Variants in SLC26A8 observed in about 807,000 individuals in gnomAD.
The protein encoded by SLC26A8 is solute carrier family 26 member 8.
SLC26A8 carries 70 observed loss-of-function variants against 105.0 expected under a neutral mutation model. The observed-to-expected ratio is 0.67, with a 90% CI of 0.55 to 0.81. The LOEUF is 0.81. Ranked by LOEUF, SLC26A8 falls within the 40% of genes least tolerant of loss-of-function variation. The pLI is 0.00. For synonymous variants in SLC26A8, 415 were observed against 438.3 expected, an observed-to-expected ratio of 0.95 and a Z score of 0.66; for missense variants, 998 against 1,181.8, an observed-to-expected ratio of 0.84 and a Z score of 2.28.
chr6:35,985,352 G>T (rs538585466), intron 7 of SLC26A8, among the ~76,000 whole-genome samples: 14 of 152,206 alleles, frequency 9.2e-5, no homozygotes, highest in Non-Finnish European at 1.9e-4. Flanking sequence ...ATACATCTGG[G>T]TTTACAGACT....
intron 11 of SLC26A8, among the ~76,000 whole-genome samples, chr6:35,966,615 G>A (rs910035739): frequency 8.6e-5 from 13 of 151,832 alleles, no homozygotes; most frequent in African/African-American, 3.1e-4. Flanking sequence ...ATTTGTGTTG[G>A]TCCTCTTGTA....
At position 36,019,725 on chromosome 6, in the gene SLC26A8, G is replaced by A. The variant is rs1407146630; in HGVS notation, c.-2-16C>T. ...TGTGCCATTCCTGGATGAGTGGAAA[G>A]AGAGCAAATAAAAGAGCATTTTCAG... On this transcript the variant is annotated splice_polypyrimidine_tract_variant and intron_variant, in intron 1 of 19. Coordinates refer to ENST00000490799, the MANE Select transcript of SLC26A8 (RefSeq NM_052961.4). The A allele has an allele frequency of 6.3e-7, 1 of 1,591,448 alleles. No homozygotes were observed. Among genetic ancestry groups the A allele is most frequent in the East Asian group, 2.3e-5 (1 of 44,334 alleles).
intron 3 of SLC26A8, among the ~76,000 whole-genome samples, chr6:36,004,811 C>G (rs920755349): frequency 6.7e-6 from 1 of 149,924 alleles, no homozygotes; most frequent in African/African-American, 2.5e-5. Context: ...CACCACCACA[C>G]CTAGTTAAAT....
chr6:36,020,711 A>G (rs1762108479), intron 1 of SLC26A8, among the ~76,000 whole-genome samples: 2 of 152,220 alleles, frequency 1.3e-5, no homozygotes, highest in African/African-American at 4.8e-5. Context: ...TCTGGGAGAA[A>G]GTATAACCAG....
At chr6:35,955,017 G>C in intron 17 of SLC26A8, 135 bp downstream of exon 17, 1 of 924,592 alleles carries the variant, frequency 1.1e-6, no homozygotes, top group Middle Eastern at 2.2e-4. Context: ...TACTGCCTTT[G>C]GTGTCCAAGG....
At chr6:36,009,383 C>CA (rs1554168127) in intron 3 of SLC26A8, among the ~76,000 whole-genome samples, 1 of 149,206 alleles carries the variant, frequency 6.7e-6, no homozygotes, top group African/African-American at 2.5e-5. Context: ...ACAACAACAA[C>CA]AAACCTGCAC....
intron 10 of SLC26A8, among the ~76,000 whole-genome samples, chr6:35,974,517 A>G (rs1772920651): frequency 6.6e-6 from 1 of 152,204 alleles, no homozygotes; most frequent in Non-Finnish European, 1.5e-5. Flanking sequence ...CTTATACAAA[A>G]GTAGAACAAT....
rs1771588413 is a variant in SLC26A8, at chr6:35,944,281, A to G, written c.2532T>C (p.Ser844=). 3 of 1,614,008 alleles carry G rather than the reference A, an allele frequency of 1.9e-6. No individual in the cohort carries two copies. In the African/African-American group the frequency reaches 4.0e-5, roughly 22 times the overall value. ...SSFLGSQKNV[S]PGFIKIQQPV... Reference sequence around the variant, plus strand: ...GCTGTTGGATCTTGATGAAGCCTGGACTTACATTTTTTTGGCTTCCTAGAA... The same window carrying G: ...GCTGTTGGATCTTGATGAAGCCTGGGCTTACATTTTTTTGGCTTCCTAGAA... The change falls in exon 20 of 20, where the codon AGT becomes AGC. Residue 844 remains serine, a synonymous_variant. Transcript: ENST00000490799.
intron 19 of SLC26A8, among the ~76,000 whole-genome samples, chr6:35,945,406 A>C (rs1322224514): frequency 6.6e-6 from 1 of 152,208 alleles, no homozygotes; most frequent in East Asian, 1.9e-4. Flanking sequence ...TGTCTTGCCA[A>C]CCCCCAGTGC....
intron 19 of SLC26A8, among the ~76,000 whole-genome samples, chr6:35,944,579 T>C (rs1051414352): frequency 1.5e-4 from 23 of 150,864 alleles, no homozygotes; most frequent in Admixed American, 4.0e-4. Context: ...TAGTTGGGCA[T>C]GATGGCACAT....
At chr6:35,994,607 G>C (rs377195879) in intron 5 of SLC26A8, among the ~76,000 whole-genome samples, 1 of 130,294 alleles carries the variant, frequency 7.7e-6, no homozygotes, top group Non-Finnish European at 1.6e-5. Flanking sequence ...ACGGAGTCTT[G>C]CTCTGTCACC....
chr6:36,001,716 A>G (rs1160962519), intron 3 of SLC26A8, among the ~76,000 whole-genome samples: 1 of 152,138 alleles, frequency 6.6e-6, no homozygotes, highest in Non-Finnish European at 1.5e-5. Context: ...TGAAATTCTG[A>G]ATAATTTTTG....
chr6:35,959,837 T>G, intron 14 of SLC26A8, 31 bp from the exon 15 acceptor site: 6,147 of 908,778 alleles, frequency 6.8e-3, no homozygotes, highest in Non-Finnish European at 8.8e-3. Context: ...TTGAGGGAAA[T>G]TTCTCAGTTA....
At chr6:35,951,618 C>CAGAGTGAG in intron 17 of SLC26A8, 119 bp from the exon 18 acceptor site, 1 of 1,031,090 alleles carries the variant, frequency 9.7e-7, no homozygotes, top group Non-Finnish European at 1.5e-6. Flanking sequence ...CTCACTCTGT[C>CAGAGTGAG]ACCCAGATGG....
At chr6:36,019,348 GA>G (rs1227979341) in intron 2 of SLC26A8, among the ~76,000 whole-genome samples, 171 bp downstream of exon 2, 2 of 152,108 alleles carry the variant, frequency 1.3e-5, no homozygotes, top group African/African-American at 4.8e-5. Flanking sequence ...GTTTACAATC[GA>G]AAAGGTACTG....
chr6:36,011,756 C>T (rs1196550827), intron 3 of SLC26A8, among the ~76,000 whole-genome samples: 7 of 152,116 alleles, frequency 4.6e-5, no homozygotes, highest in Admixed American at 4.6e-4. Context: ...TACAGGCACA[C>T]GTTACCAGGC....
chr6:35,963,033 C>T (rs894524902), intron 11 of SLC26A8, among the ~76,000 whole-genome samples: 12 of 152,142 alleles, frequency 7.9e-5, no homozygotes, highest in Non-Finnish European at 1.2e-4. Flanking sequence ...GTCAGGCCAA[C>T]GTCAAGGCCT....
chr6:36,023,725 C>T (rs1472519628), intron 1 of SLC26A8, among the ~76,000 whole-genome samples: 3 of 152,148 alleles, frequency 2.0e-5, no homozygotes, highest in African/African-American at 4.8e-5. Context: ...AATTTACTTC[C>T]GAATTTTCAA....
chr6:35,955,369 T>C lies in SLC26A8; in HGVS notation c.2015A>G (p.Asn672Ser). 1 of 1,614,214 alleles carries C rather than the reference T, an allele frequency of 6.2e-7. No homozygotes were observed. The highest frequency in any genetic ancestry group is 8.5e-7 in the Non-Finnish European group (1 of 1,180,032). Residue 672 changes from asparagine to serine, a missense_variant, in exon 17 of 20, where the codon AAT becomes AGT. Physicochemically the swap from Asn to Ser is conservative, Grantham distance 46. Transcript: ENST00000490799. ...PYTVSSVSQK[N>S]QGQQYEEVEE... ...CACCTCCTCATACTGTTGCCCTTGATTTTTCTGAGACACGGACGATACTGT... is the reference window on the plus strand; with the variant it reads ...CACCTCCTCATACTGTTGCCCTTGACTTTTCTGAGACACGGACGATACTGT...
Sources: allele counts gnomAD v4.1 joint callset (sites outside exome capture counted in the v4.1 genomes callset), GRCh38; gene constraint gnomAD v4.1.1; transcripts MANE v1.5; gene names NCBI Gene and HGNC (gene_info 2026-07-23, HGNC 2026-07-21).